The following TENM3 variants were observed in gnomAD, a reference collection of about 807,000 sequenced individuals.
TENM3 encodes the protein teneurin transmembrane protein 3.
A neutral mutation model predicts 255.1 loss-of-function variants in TENM3; 63 were observed. The observed-to-expected ratio is 0.25, with a 90% CI of 0.20 to 0.30. The LOEUF (loss-of-function observed/expected upper bound fraction) is 0.30, where lower values mean the gene tolerates loss of function less well. Ranked by LOEUF, TENM3 falls within the 10% of genes least tolerant of loss-of-function variation. The pLI is 1.00. For synonymous variants in TENM3, 1,306 were observed against 1,322.3 expected, an observed-to-expected ratio of 0.99 and a Z score of 0.27; for missense variants, 2,929 against 3,461.1, an observed-to-expected ratio of 0.85 and a Z score of 3.86.
the TENM3 span, among the ~76,000 whole-genome samples, chr4:181,611,081 A>G: frequency 2.6e-5 from 4 of 152,196 alleles, no homozygotes; most frequent in Non-Finnish European, 4.4e-5. Context: ...TTTTGGATGC[A>G]TGCTAAGGAA....
chr4:182,669,943 G>C (rs546136027), intron 6 of TENM3, among the ~76,000 whole-genome samples: 1 of 152,254 alleles, frequency 6.6e-6, no homozygotes, highest in Non-Finnish European at 1.5e-5. Flanking sequence ...GTGAAGATTA[G>C]TTCCATTTCT....
intron 3 of TENM3, among the ~76,000 whole-genome samples, chr4:182,541,728 G>T (rs1245084491): frequency 1.3e-5 from 2 of 152,064 alleles, no homozygotes; most frequent in African/African-American, 4.8e-5. Context: ...GCAAAATCTG[G>T]TTTTAAGTAA....
chr4:181,464,546 C>T, the TENM3 span, among the ~76,000 whole-genome samples: 3 of 152,194 alleles, frequency 2.0e-5, no homozygotes, highest in Non-Finnish European at 4.4e-5. Flanking sequence ...ATGCTAGGTG[C>T]AAGTTCCCTT....
At chr4:181,666,196 A>G in the TENM3 span, among the ~76,000 whole-genome samples, 1 of 152,216 alleles carries the variant, frequency 6.6e-6, no homozygotes, top group Admixed American at 6.5e-5. Context: ...GCAGAGATTC[A>G]TAAAATTCCA....
intron 15 of TENM3, 108 bp from the exon 16 acceptor site, chr4:182,730,769 TG>T: frequency 8.6e-7 from 1 of 1,163,688 alleles, no homozygotes; most frequent in Non-Finnish European, 1.2e-6. Flanking sequence ...ATATAAAAGT[TG>T]GGAGAAAAAG....
At chr4:182,041,035 A>AC in the TENM3 span, among the ~76,000 whole-genome samples, 2 of 151,990 alleles carry the variant, frequency 1.3e-5, no homozygotes. Context: ...AAACTCCTGT[A>AC]TTTTTTTTCT....
At chr4:181,588,182 G>T in the TENM3 span, among the ~76,000 whole-genome samples, 2 of 152,152 alleles carry the variant, frequency 1.3e-5, no homozygotes, top group Non-Finnish European at 1.5e-5. Flanking sequence ...TCGCAGTCCC[G>T]CAAGAATGCC....
chr4:181,755,428 T>G, the TENM3 span, among the ~76,000 whole-genome samples: 1 of 152,102 alleles, frequency 6.6e-6, no homozygotes, highest in South Asian at 2.1e-4. Context: ...TTGTTCTAAT[T>G]AAAAATCTAT....
At chr4:182,212,250 C>G (rs765920047) in intron 1 of TENM3, among the ~76,000 whole-genome samples, 7 of 152,194 alleles carry the variant, frequency 4.6e-5, no homozygotes, top group Non-Finnish European at 1.0e-4. Context: ...GTGATGTGCT[C>G]CTTTGCAGTT....
chr4:182,269,816 C>G (rs1215403301), intron 1 of TENM3, among the ~76,000 whole-genome samples: 1 of 152,120 alleles, frequency 6.6e-6, no homozygotes, highest in East Asian at 1.9e-4. Flanking sequence ...GCTCGGGGAA[C>G]AGTCTCAAGG....
the TENM3 span, among the ~76,000 whole-genome samples, chr4:181,857,376 G>A: frequency 1.1e-3 from 168 of 151,782 alleles, 1 homozygote; most frequent in African/African-American, 3.8e-3. Flanking sequence ...ACCAGGGGAG[G>A]GGTGGATGAG....
intron 22 of TENM3, among the ~76,000 whole-genome samples, chr4:182,756,404 G>A (rs1377931261): frequency 6.6e-6 from 1 of 152,160 alleles, no homozygotes; most frequent in Non-Finnish European, 1.5e-5. Context: ...AGGAGAATCA[G>A]CTGTTGAGTA....
the TENM3 span, among the ~76,000 whole-genome samples, chr4:181,459,378 A>AT: frequency 6.6e-6 from 1 of 151,806 alleles, no homozygotes; most frequent in South Asian, 2.1e-4. Flanking sequence ...GACTTCATCA[A>AT]TTTTTTTATG....
At chr4:181,564,779 C>T in the TENM3 span, among the ~76,000 whole-genome samples, 1 of 152,164 alleles carries the variant, frequency 6.6e-6, no homozygotes, top group African/African-American at 2.4e-5. Context: ...GTATCCTTAA[C>T]GAAGTCATCC....
chr4:182,767,700 G>A (rs539151593), intron 22 of TENM3, among the ~76,000 whole-genome samples: 7 of 152,220 alleles, frequency 4.6e-5, no homozygotes, highest in African/African-American at 1.7e-4. Context: ...GGTTAATTAA[G>A]TCCTTCATGT....
At chr4:181,718,096 A>G in the TENM3 span, among the ~76,000 whole-genome samples, 3 of 152,238 alleles carry the variant, frequency 2.0e-5, no homozygotes, top group African/African-American at 7.2e-5. Context: ...GGAAATAATC[A>G]TAAATGCTGG....
chr4:182,064,354 G>A, the TENM3 span, among the ~76,000 whole-genome samples: 54 of 152,166 alleles, frequency 3.5e-4, 1 homozygote, highest in African/African-American at 1.2e-3. Context: ...TGAGAAGGGC[G>A]GATCACGAGG....
At chr4:182,705,601 G>A (rs191132000) in intron 12 of TENM3, among the ~76,000 whole-genome samples, 92 of 152,260 alleles carry the variant, frequency 6.0e-4, no homozygotes, top group East Asian at 9.7e-4. Context: ...TATATAACCC[G>A]CTTGGTTTGC....
intron 4 of TENM3, among the ~76,000 whole-genome samples, chr4:182,622,484 C>G (rs1750391344): frequency 6.6e-6 from 1 of 152,252 alleles, no homozygotes; most frequent in African/African-American, 2.4e-5. Flanking sequence ...ATCAAACTTA[C>G]TGTCTCTCAC....
Sources: gnomAD v4.1 joint callset for allele counts (sites outside exome capture counted in the v4.1 genomes callset) on GRCh38, gnomAD v4.1.1 for gene constraint, MANE v1.5 for transcripts, NCBI Gene and HGNC (gene_info 2026-07-23, HGNC 2026-07-21) for gene names.